Variants in ITGA11 observed in about 807,000 individuals in gnomAD.
ITGA11 encodes integrin alpha-11.
In ITGA11, 97 loss-of-function variants were observed where a neutral mutation model predicts 141.9. The observed-to-expected ratio is 0.68, with a 90% confidence interval of 0.58 to 0.81. The LOEUF (loss-of-function observed/expected upper bound fraction) is 0.81, where lower values mean the gene tolerates loss of function less well. Among genes scored for constraint, ITGA11 ranks in the 30% least tolerant of loss-of-function variants. ITGA11 has a pLI of 0.00. For missense variants in ITGA11, 1,387 were observed against 1,559.2 expected (o/e 0.89, Z 1.86); for synonymous variants, 658 against 624.6 (o/e 1.05, Z -0.80).
intron 1 of ITGA11, among the ~76,000 whole-genome samples, chr15:68,411,360 CCTT>C (rs1595896409): frequency 6.6e-6 from 1 of 152,216 alleles, no homozygotes; most frequent in African/African-American, 2.4e-5. Flanking sequence ...CCCACACACT[CCTT>C]CTTCAAGACT....
At chr15:68,334,336 C>A (rs1459597026) in intron 12 of ITGA11, among the ~76,000 whole-genome samples, 1 of 152,192 alleles carries the variant, frequency 6.6e-6, no homozygotes, top group African/African-American at 2.4e-5. Context: ...GAGAGTCATC[C>A]TCATTTTCAA....
At position 68,331,992 on chromosome 15, in the gene ITGA11, A is replaced by G. The variant is rs1894180574; in HGVS notation, c.1637T>C (p.Ile546Thr). 2 of 1,612,764 alleles carry G rather than the reference A, an allele frequency of 1.2e-6. No homozygotes were observed. The highest frequency in any genetic ancestry group is 1.7e-6 in the Non-Finnish European group (2 of 1,179,460). The change falls in exon 14 of 30, where the codon ATT becomes ACT. Residue 546 changes from isoleucine (I) to threonine (T), a missense_variant. Coordinates refer to ENST00000315757, the MANE Select transcript of ITGA11 (RefSeq NM_001004439.2). ...CTGGTTGAGGTCTCGAACTGAGGCAATGGAGGACCCAAATCGGGCATTCTG... is the reference window on the plus strand; with the variant it reads ...CTGGTTGAGGTCTCGAACTGAGGCAGTGGAGGACCCAAATCGGGCATTCTG... ...SYQNARFGSS[I>T]ASVRDLNQDS...
chr15:68,390,626 C>A (rs920513431), intron 2 of ITGA11, among the ~76,000 whole-genome samples: 7 of 152,204 alleles, frequency 4.6e-5, no homozygotes, highest in Non-Finnish European at 8.8e-5. Context: ...CAGGTCCATA[C>A]CACAGAGGCA....
At chr15:68,407,931 C>T (rs1595895232) in intron 1 of ITGA11, among the ~76,000 whole-genome samples, 3 of 152,206 alleles carry the variant, frequency 2.0e-5, no homozygotes, top group South Asian at 2.1e-4. Flanking sequence ...AACAGCTCAG[C>T]GGGGAGAGTT....
intron 10 of ITGA11, among the ~76,000 whole-genome samples, chr15:68,341,333 C>T (rs1894562326): frequency 6.6e-6 from 1 of 152,260 alleles, no homozygotes; most frequent in Admixed American, 6.5e-5. Flanking sequence ...ACCAACATTC[C>T]TGCACGTGGG....
chr15:68,308,674 C>A lies in ITGA11; in HGVS notation c.3175-978G>T, dbSNP rs971139077. ...AGGAGAATCACTTGAACCCGGGAGG[C>A]GGAGGTCGCAGTGAGCCGAGATCGT... On this transcript the variant is annotated intron_variant, in intron 26 of 29. Coordinates refer to ENST00000315757, the MANE Select transcript of ITGA11 (RefSeq NM_001004439.2). This position sits in a 1 kb window ranked among gnomAD's most constrained non-coding sequence, Gnocchi z 5.2. Among the ~76,000 whole-genome samples, 2 of 151,832 alleles carry A rather than the reference C, an allele frequency of 1.3e-5. No individual in the cohort carries two copies. Among genetic ancestry groups the A allele is most frequent in the African/African-American group, 4.8e-5 (2 of 41,308 alleles).
chr15:68,421,494 C>T (rs1002126904), intron 1 of ITGA11, among the ~76,000 whole-genome samples: 4 of 152,120 alleles, frequency 2.6e-5, no homozygotes, highest in Non-Finnish European at 5.9e-5. Context: ...GGTGGCAGTC[C>T]TCTGGCTGCT....
chr15:68,330,889 G>A, intron 15 of ITGA11, 92 bp downstream of exon 15: 1 of 1,489,750 alleles, frequency 6.7e-7, no homozygotes, highest in Non-Finnish European at 9.2e-7. Flanking sequence ...TTAAAGACAA[G>A]AGACAAAGAT....
intron 24 of ITGA11, among the ~76,000 whole-genome samples, 180 bp from the exon 25 acceptor site, chr15:68,311,583 G>A (rs1039239619): frequency 5.9e-5 from 9 of 152,170 alleles, no homozygotes; most frequent in East Asian, 1.9e-4. Context: ...AATTGTGGCC[G>A]GGGACTGCAT....
At chr15:68,315,855 C>T (rs1893556260) in intron 21 of ITGA11, 128 bp from the exon 22 acceptor site, 1 of 701,010 alleles carries the variant, frequency 1.4e-6, no homozygotes. Flanking sequence ...GAGCTGCTGG[C>T]TGGGAACAGG....
At chr15:68,315,595 A>G (rs1893545117) in intron 22 of ITGA11, 56 bp downstream of exon 22, 5 of 1,443,542 alleles carry the variant, frequency 3.5e-6, no homozygotes, top group Non-Finnish European at 4.8e-6. Flanking sequence ...TAGCAGCCAG[A>G]GAGCTGGGCC....
At chr15:68,412,570 T>A (rs1486486774) in intron 1 of ITGA11, among the ~76,000 whole-genome samples, 3 of 151,958 alleles carry the variant, frequency 2.0e-5, no homozygotes, top group African/African-American at 7.3e-5. Context: ...TCTTTCCAGT[T>A]GCTAGGGGGC....
At chr15:68,374,466 A>G (rs573360926) in intron 2 of ITGA11, among the ~76,000 whole-genome samples, 39 of 152,266 alleles carry the variant, frequency 2.6e-4, no homozygotes, top group African/African-American at 7.7e-4. Flanking sequence ...GCTGTGTCTG[A>G]GGCCTCAGAC....
chr15:68,349,083 C>A (rs931439357), intron 9 of ITGA11, among the ~76,000 whole-genome samples, 183 bp from the exon 10 acceptor site: 4 of 152,188 alleles, frequency 2.6e-5, no homozygotes, highest in African/African-American at 9.7e-5. Flanking sequence ...TCCCCAGCAC[C>A]CTGTGCAGTG....
Position 68,333,802 on chromosome 15 carries a change from C to T in ITGA11, c.1426-1324G>A, listed in dbSNP as rs1291592577. 2.0e-5 allele frequency among the ~76,000 whole-genome samples: 3 copies of T among 152,182 alleles called. No homozygotes were observed. Among genetic ancestry groups the T allele is most frequent in the African/African-American group, 7.2e-5 (3 of 41,434 alleles). On this transcript the variant is annotated intron_variant, in intron 12 of 29. Transcript: ENST00000315757. This position sits in a 1 kb window ranked among gnomAD's most constrained non-coding sequence, Gnocchi z 4.2. ...TCTAGCAGGACCGTGCTGGACCAGCCTCCCTCCCCAGCCTCTGTCCCCACA... is the reference window on the plus strand; with the variant it reads ...TCTAGCAGGACCGTGCTGGACCAGCTTCCCTCCCCAGCCTCTGTCCCCACA...
rs747927160 is a variant in ITGA11 at position 68,358,539 on chromosome 15, G to T, written c.519C>A (p.Asn173Lys). The T allele has an allele frequency of 6.2e-7, 1 of 1,614,046 alleles. No individual in the cohort carries two copies. The highest frequency in any genetic ancestry group is 8.5e-7 in the Non-Finnish European group (1 of 1,180,008). ...GAACCTCCACCCAGGGGTAGATGCT[G>T]TTGGAGCCATCCAGGACAATGACGA... The part of the protein sequence containing the change: ...MDIVIVLDGS[N>K]SIYPWVEVQH... The change falls in exon 6 of 30, where the codon AAC (asparagine) becomes AAA (lysine). Residue 173 changes from asparagine to lysine, a missense_variant. Transcript: ENST00000315757.
chr15:68,391,066 C>T (rs1017235959), intron 2 of ITGA11, among the ~76,000 whole-genome samples: 3 of 152,174 alleles, frequency 2.0e-5, no homozygotes, highest in Non-Finnish European at 4.4e-5. Flanking sequence ...GCTGCCCATA[C>T]GACAGAGAAG....
At position 68,325,730 on chromosome 15, in the gene ITGA11, T is replaced by C. The variant is rs942704503; in HGVS notation, c.2212-489A>G. Among the ~76,000 whole-genome samples, 1 of 152,140 alleles carries C rather than the reference T, an allele frequency of 6.6e-6. No individual in the cohort carries two copies. The highest frequency in any genetic ancestry group is 1.5e-5 in the Non-Finnish European group (1 of 68,028). On this transcript the variant is annotated intron_variant, in intron 17 of 29. Transcript: ENST00000315757. The surrounding 1 kb of genome is among the most constrained non-coding windows in gnomAD (Gnocchi z 5.5). Reference sequence around the variant, plus strand: ...TAAGGGCTTCAGCATGTGGAATTGGTGAATGAACAAACTCGTGAGCAAGAC... The same window carrying C: ...TAAGGGCTTCAGCATGTGGAATTGGCGAATGAACAAACTCGTGAGCAAGAC...
Position 68,313,760 on chromosome 15 carries a change from C to T in ITGA11, c.2882+19G>A, listed in dbSNP as rs7174384. ...TCCCCATGCCTTCCCTCTCCTGGGG[C>T]CCCCGGAGCCCGGCCCACCTGGTGA... On this transcript the variant is annotated intron_variant, in intron 23 of 29. Transcript: ENST00000315757. 15 of 1,602,724 alleles carry T rather than the reference C, an allele frequency of 9.4e-6. No individual in the cohort carries two copies. In the South Asian group the frequency reaches 1.1e-4, roughly 12 times the overall value.
Sources: allele counts gnomAD v4.1 joint callset (sites outside exome capture counted in the v4.1 genomes callset), GRCh38; gene constraint gnomAD v4.1.1; non-coding constraint Gnocchi (gnomAD v3.1); transcripts MANE v1.5; gene names NCBI Gene and HGNC (gene_info 2026-07-23, HGNC 2026-07-21).